Variants in DDX49 observed in about 807,000 individuals in gnomAD.
DDX49 encodes DEAD-box helicase 49.
A neutral mutation model predicts 56.3 loss-of-function variants in DDX49; 50 were observed. The ratio of observed to expected loss-of-function variants is 0.89; its 90% confidence interval spans 0.71 to 1.12. The LOEUF is 1.12. DDX49 is among the 50% of genes most tolerant of loss of function. The pLI is 0.00. For synonymous variants in DDX49, 269 were observed against 270.6 expected, an observed-to-expected ratio of 0.99 and a Z score of 0.06; for missense variants, 614 against 650.5, an observed-to-expected ratio of 0.94 and a Z score of 0.61.
In DDX49 at chr19:18,924,864, AGCC is replaced by A; in HGVS notation, c.930-17_930-15del. The A allele has an allele frequency of 6.2e-7, 1 of 1,612,582 alleles. No individual in the cohort carries two copies. The highest frequency in any genetic ancestry group is 8.5e-7 in the Non-Finnish European group (1 of 1,179,950). On this transcript the variant is annotated splice_polypyrimidine_tract_variant and intron_variant, in intron 8 of 12. Coordinates refer to ENST00000247003, the MANE Select transcript of DDX49 (RefSeq NM_019070.5). ...CCCCACATGGACAGTGGAGCTGACC[AGCC>A]ACCTCTGCCTCCAGGGGCCTGGACA...
chr19:18,922,134 GC>G, intron 4 of DDX49, 170 bp downstream of exon 4: 1 of 1,177,228 alleles, frequency 8.5e-7, no homozygotes, highest in Non-Finnish European at 1.2e-6. Context: ...ACAAGAGGGG[GC>G]CCAGTCCTAG....
intron 6 of DDX49, among the ~76,000 whole-genome samples, chr19:18,923,911 A>C (rs2056939295): frequency 6.7e-6 from 1 of 150,320 alleles, no homozygotes; most frequent in South Asian, 2.1e-4. Context: ...GGGTTCAAAC[A>C]ATTCTCCTGC....
In DDX49 at chr19:18,924,989, G is replaced by A. The variant is rs2056949601; in HGVS notation, c.1027+10G>A. On this transcript the variant is annotated intron_variant, in intron 9 of 12. Coordinates refer to ENST00000247003, the MANE Select transcript of DDX49 (RefSeq NM_019070.5). ...CGGACGGCCCGTGCAGGTGAGCAGTGGAGGGGGAGGCCGAGCCTTGGGCCT... is the reference window on the plus strand; with the variant it reads ...CGGACGGCCCGTGCAGGTGAGCAGTAGAGGGGGAGGCCGAGCCTTGGGCCT... 9 of 1,608,400 alleles carry A rather than the reference G, an allele frequency of 5.6e-6. No individual in the cohort carries two copies. In the East Asian group the frequency reaches 1.8e-4, roughly 32 times the overall value.
At chr19:18,921,991 T>C in intron 4 of DDX49, 27 bp downstream of exon 4, 1 of 1,586,990 alleles carries the variant, frequency 6.3e-7, no homozygotes, top group Non-Finnish European at 8.6e-7. Context: ...CCTGCAGACC[T>C]CAGGAGCTGG....
rs1334029750 is a variant in DDX49 at position 18,921,735 on chromosome 19, C to T, written c.312C>T (p.Ile104=). The T allele has an allele frequency of 6.2e-6, 10 of 1,614,022 alleles. No homozygotes were observed. The highest frequency in any genetic ancestry group is 4.0e-5 in the African/African-American group (3 of 74,922). Reference sequence around the variant, plus strand: ...CTCTAGGGCTGAAAGACTGCATCATCGTCGGTGGCATGGGTACGGGAGCTG... The same window carrying T: ...CTCTAGGGCTGAAAGACTGCATCATTGTCGGTGGCATGGGTACGGGAGCTG... The part of the protein sequence containing the change: ...GKPLGLKDCI[I]VGGMDMVAQA... The change falls in exon 3 of 13, where the codon ATC becomes ATT. Residue 104 remains isoleucine (I), a synonymous_variant. Transcript: ENST00000247003.
Position 18,922,357 on chromosome 19 carries a change from A to G in DDX49, c.479A>G (p.Gln160Arg). The change falls in exon 5 of 13, where the codon CAG (glutamine) becomes CGG (arginine). Residue 160 changes from glutamine (Q) to arginine (R), a missense_variant. Gln to Arg is a conservative substitution (Grantham distance 43). Transcript: ENST00000247003. ...GATGAGGCAGACCGGCTGCTGGAAC[A>G]GGGCTGCACTGACTTCACCGTGGAC... ...VMDEADRLLEQGCTDFTVDLE... is the reference protein window; with the variant it reads ...VMDEADRLLERGCTDFTVDLE... 6.2e-7 allele frequency: 1 copy of G among 1,611,722 alleles called. No homozygotes were observed. The highest frequency in any genetic ancestry group is 1.1e-5 in the South Asian group (1 of 90,732).
intron 9 of DDX49, 46 bp from the exon 10 acceptor site, chr19:18,926,257 T>A: frequency 1.3e-6 from 2 of 1,547,960 alleles, no homozygotes; most frequent in East Asian, 2.4e-5. Context: ...ATTCGCCCCA[T>A]GTCCTGACGC....
At chr19:18,927,070 CAAAAAAAAA>C (rs35034273) in intron 10 of DDX49, among the ~76,000 whole-genome samples, 2 of 74,782 alleles carry the variant, frequency 2.7e-5, no homozygotes, top group African/African-American at 5.5e-5. Flanking sequence ...GACTCTGTCT[CAAAAAAAAA>C]AAAAAAAAAA....
rs758193551 is a variant in DDX49, at chr19:18,924,622, G to A, written c.853-1G>A. On this transcript the variant is annotated splice_acceptor_variant, in intron 7 of 12. Transcript: ENST00000247003. LOFTEE classifies it high-confidence loss of function. ...CCAATTTTCTTCCCAACCCTGTGCA[G>A]AAAGAACGCTTTGCCGCCCTAGCCA... 2.5e-6 allele frequency: 4 copies of A among 1,614,078 alleles called. No individual in the cohort carries two copies. The African/African-American group carries it at 5.3e-5, about 22-fold the overall frequency.
chr19:18,922,186 AG>A, intron 4 of DDX49, 139 bp from the exon 5 acceptor site: 1 of 1,217,716 alleles, frequency 8.2e-7, no homozygotes, highest in Non-Finnish European at 1.1e-6. Flanking sequence ...GACTTGGGTG[AG>A]GGGCAGGCCT....
intron 3 of DDX49, 46 bp downstream of exon 3, chr19:18,921,794 C>G: frequency 6.2e-7 from 1 of 1,614,108 alleles, no homozygotes; most frequent in Admixed American, 1.7e-5. Context: ...GGGACCCTAG[C>G]AGCTTTGGAC....
In DDX49 at chr19:18,921,752, C is replaced by G. The variant is rs2231996; in HGVS notation, c.325+4C>G. 2 of 1,614,068 alleles carry G rather than the reference C, an allele frequency of 1.2e-6. No homozygotes were observed. Among genetic ancestry groups the G allele is most frequent in the East Asian group, 2.2e-5 (1 of 44,876 alleles). ...TGCATCATCGTCGGTGGCATGGGTA[C>G]GGGAGCTGGGAGGCGGGGGAAGCCC... On this transcript the variant is annotated splice_donor_region_variant and intron_variant, in intron 3 of 12. Coordinates refer to ENST00000247003, the MANE Select transcript of DDX49 (RefSeq NM_019070.5).
intron 10 of DDX49, 74 bp from the exon 11 acceptor site, chr19:18,927,692 C>T: frequency 2.3e-6 from 3 of 1,310,512 alleles, no homozygotes; most frequent in Non-Finnish European, 3.3e-6. Flanking sequence ...ATGGGGAACT[C>T]ACTACTTGGC....
chr19:18,922,031 C>A, intron 4 of DDX49, 67 bp downstream of exon 4: 2 of 1,541,668 alleles, frequency 1.3e-6, no homozygotes, highest in Non-Finnish European at 1.7e-6. Flanking sequence ...AATGTCAGAG[C>A]CTGGGGCACC....
rs913714099 is a variant in DDX49, at chr19:18,921,923, C to T, written c.406C>T (p.Arg136Cys). 6 of 1,613,658 alleles carry T rather than the reference C, an allele frequency of 3.7e-6. No individual in the cohort carries two copies. Among genetic ancestry groups the T allele is most frequent in the East Asian group, 4.5e-5 (2 of 44,876 alleles). The change falls in exon 4 of 13, where the codon CGC becomes TGC. Residue 136 changes from arginine to cysteine, a missense_variant. Transcript: ENST00000247003. Reference protein sequence around the residue: ...ATPGRLADHLRSSNTFSIKKI... With the variant: ...ATPGRLADHLCSSNTFSIKKI... Reference sequence around the variant, plus strand: ...GCCGGGGCGCCTGGCAGATCACCTGCGCAGCTCCAACACTTTTAGTATAAA... The same window carrying T: ...GCCGGGGCGCCTGGCAGATCACCTGTGCAGCTCCAACACTTTTAGTATAAA...
intron 1 of DDX49, 30 bp downstream of exon 1, chr19:18,919,886 G>A (rs774379086): frequency 4.7e-6 from 7 of 1,500,250 alleles, no homozygotes; most frequent in Non-Finnish European, 6.4e-6. Flanking sequence ...TTCCCCAAGA[G>A]GCCTCTCCGC....
rs747807862 is a variant in DDX49 at position 18,924,927 on chromosome 19, C to T, written c.975C>T (p.Thr325=). Residue 325 remains threonine (T), a synonymous_variant, in exon 9 of 13, where the codon ACC becomes ACT. Coordinates refer to ENST00000247003, the MANE Select transcript of DDX49 (RefSeq NM_019070.5). ...PTVQVVINHN[T]PGLPKIYIHR... is the part of the protein sequence containing the mutation. Reference sequence around the variant, plus strand: ...TACAGGTGGTCATCAACCACAACACCCCCGGGCTCCCCAAGATCTACATCC... The same window carrying T: ...TACAGGTGGTCATCAACCACAACACTCCCGGGCTCCCCAAGATCTACATCC... 2 of 1,612,692 alleles carry T rather than the reference C, an allele frequency of 1.2e-6. No homozygotes were observed. The highest frequency in any genetic ancestry group is 1.1e-5 in the South Asian group (1 of 91,074).
rs1257589428 is a variant in DDX49, at chr19:18,928,143, G to A, written c.1279G>A (p.Ala427Thr). ...ILEGKDPDLE[A>T]KRKAELAKIK... ...CCTGTGCCAGGACCCTGACCTGGAG[G>A]CCAAGCGCAAGGCTGAGCTGGCCAA... Residue 427 changes from alanine (A) to threonine (T), a missense_variant, in exon 13 of 13, where the codon GCC (alanine) becomes ACC (threonine). Coordinates refer to ENST00000247003, the MANE Select transcript of DDX49 (RefSeq NM_019070.5). The A allele has an allele frequency of 6.2e-7, 1 of 1,604,776 alleles. No individual in the cohort carries two copies. The highest frequency in any genetic ancestry group is 1.7e-5 in the Admixed American group (1 of 57,834).
At chr19:18,925,153 G>A in intron 9 of DDX49, 174 bp downstream of exon 9, 1 of 963,616 alleles carries the variant, frequency 1.0e-6, no homozygotes, top group Admixed American at 2.9e-5. Flanking sequence ...CAGCTACTCG[G>A]GAGGCTGAGG....
Sources: gnomAD v4.1 joint callset for allele counts (sites outside exome capture counted in the v4.1 genomes callset) on GRCh38, gnomAD v4.1.1 for gene constraint, MANE v1.5 for transcripts, NCBI Gene and HGNC (gene_info 2026-07-23, HGNC 2026-07-21) for gene names.